DPF3: variants seen among roughly 807,000 people sequenced by gnomAD.
DPF3 encodes the protein zinc finger protein DPF3.
DPF3 carries 18 observed loss-of-function variants against 56.8 expected under a neutral mutation model. The observed-to-expected ratio is 0.32, with a 90% CI of 0.22 to 0.47. DPF3 has a LOEUF of 0.47. Ranked by LOEUF, DPF3 falls within the 20% of genes least tolerant of loss-of-function variation. The probability of loss-of-function intolerance (pLI) is 1.00; values close to 1 mark genes in which losing one functional copy is unlikely to be tolerated. For synonymous variants in DPF3, 188 were observed against 180.2 expected (o/e 1.04, Z -0.35); for missense variants, 403 against 488.8 (o/e 0.82, Z 1.65).
In DPF3 at chr14:72,611,304, T is replaced by A. The variant is rs926358936; in HGVS notation, c.*7993A>T. 1.3e-5 allele frequency among the ~76,000 whole-genome samples: 2 copies of A among 152,246 alleles called. No homozygotes were observed. Among genetic ancestry groups the A allele is most frequent in the African/African-American group, 4.8e-5 (2 of 41,462 alleles). On this transcript the variant is annotated 3_prime_UTR_variant, in exon 11 of 11. Transcript: ENST00000556509. ...GATGAAACAAACGGTTTATTCCTAA[T>A]GCTGTCAACACAAACAACTGAGAGT...
intron 1 of DPF3, among the ~76,000 whole-genome samples, chr14:72,851,332 T>C (rs1884976576): frequency 1.3e-5 from 2 of 152,230 alleles, no homozygotes; most frequent in Admixed American, 6.5e-5. Flanking sequence ...GTTTGCTCTG[T>C]CCTCAAAACA....
chr14:72,865,172 T>C (rs1200121297), intron 1 of DPF3, among the ~76,000 whole-genome samples: 7 of 152,194 alleles, frequency 4.6e-5, no homozygotes, highest in African/African-American at 1.7e-4. Context: ...TTCATTTATC[T>C]TTTTGAGCCC....
intron 7 of DPF3, among the ~76,000 whole-genome samples, chr14:72,690,183 C>T (rs1237959024): frequency 6.6e-6 from 1 of 152,160 alleles, no homozygotes; most frequent in Non-Finnish European, 1.5e-5. Context: ...TCCACATCTC[C>T]ACGTAGGGCG....
At chr14:72,842,148 G>C (rs978292083) in intron 1 of DPF3, among the ~76,000 whole-genome samples, 2 of 148,374 alleles carry the variant, frequency 1.3e-5, no homozygotes, top group African/African-American at 2.5e-5. Context: ...CATCAAAATC[G>C]AATCAAGCAG....
intron 6 of DPF3, among the ~76,000 whole-genome samples, chr14:72,712,166 C>G (rs563509062): frequency 6.6e-6 from 1 of 151,898 alleles, no homozygotes; most frequent in Non-Finnish European, 1.5e-5. Flanking sequence ...AGAAAGCCTG[C>G]CGTCAGGCCT....
intron 7 of DPF3, among the ~76,000 whole-genome samples, chr14:72,681,565 C>T (rs1196044709): frequency 5.9e-5 from 9 of 152,252 alleles, no homozygotes; most frequent in Middle Eastern, 3.4e-3. Flanking sequence ...CAAAATGTGG[C>T]GTCAACCCTC....
chr14:72,835,229 C>T (rs1049119122), intron 1 of DPF3, among the ~76,000 whole-genome samples: 2 of 152,038 alleles, frequency 1.3e-5, no homozygotes, highest in South Asian at 2.1e-4. Flanking sequence ...CACCATGCCC[C>T]GCTAATGTTT....
intron 1 of DPF3, among the ~76,000 whole-genome samples, chr14:72,858,055 A>G (rs1012868829): frequency 1.3e-5 from 2 of 152,054 alleles, no homozygotes; most frequent in East Asian, 3.9e-4. Flanking sequence ...CTGTAATCCC[A>G]GGACTTTGGG....
At chr14:72,741,062 A>T (rs1219224984) in intron 3 of DPF3, among the ~76,000 whole-genome samples, 1 of 151,974 alleles carries the variant, frequency 6.6e-6, no homozygotes, top group East Asian at 1.9e-4. Context: ...TAAATAAAAT[A>T]AAATGAATAG....
Position 72,702,849 on chromosome 14 carries a change from G to A in DPF3, c.605-9636C>T, listed in dbSNP as rs113402484. On this transcript the variant is annotated intron_variant, in intron 6 of 10. Transcript: ENST00000556509. The stretch of plus-strand genomic sequence containing the variant: ...GGCCAGGCTTTTCTCAAAAGCCAAC[G>A]GTGGATCCAACCCCCAGGTGGGCTT... Among the ~76,000 whole-genome samples the A allele has an allele frequency of 5.6e-4, 85 of 152,166 alleles. 1 individual carries two copies. The highest frequency in any genetic ancestry group is 3.4e-3 in the Middle Eastern group (1 of 294).
chr14:72,686,571 C>T (rs143717395), intron 7 of DPF3, among the ~76,000 whole-genome samples: 1 of 152,300 alleles, frequency 6.6e-6, no homozygotes, highest in East Asian at 1.9e-4. Context: ...ATGTAGATGA[C>T]CTTTGAGGCC....
intron 8 of DPF3, among the ~76,000 whole-genome samples, chr14:72,633,445 C>T (rs557705174): frequency 7.4e-4 from 113 of 152,058 alleles, no homozygotes; most frequent in African/African-American, 2.6e-3. Context: ...CTTGGAGGAG[C>T]TCAAGTCCTC....
rs544582740 is a variant in DPF3, at chr14:72,612,171, G to T, written c.*7126C>A. Among the ~76,000 whole-genome samples the T allele has an allele frequency of 6.6e-6, 1 of 152,274 alleles. No homozygotes were observed. Among genetic ancestry groups the T allele is most frequent in the East Asian group, 1.9e-4 (1 of 5,160 alleles). On this transcript the variant is annotated 3_prime_UTR_variant, in exon 11 of 11. Transcript: ENST00000556509. ...GGGTGGACAACCATGGCAGATGAGT[G>T]GGGGGCAGCTTGGATGGACTCTGTT...
intron 8 of DPF3, among the ~76,000 whole-genome samples, chr14:72,667,073 G>A (rs1477756676): frequency 6.6e-6 from 1 of 152,180 alleles, no homozygotes; most frequent in Non-Finnish European, 1.5e-5. Context: ...TAGATGCAGA[G>A]AGAGATGCAG....
In DPF3 at chr14:72,753,308, T is replaced by C. The variant is rs776729347; in HGVS notation, c.257A>G (p.His86Arg). 6.2e-7 allele frequency: 1 copy of C among 1,613,606 alleles called. No homozygotes were observed. The change falls in exon 3 of 11, where the codon CAC becomes CGC. Residue 86 changes from histidine (H) to arginine (R), a missense_variant. This residue lies in a region of DPF3 where 340 missense variants were observed against 374.3 expected (regional missense o/e 0.91). Transcript: ENST00000556509. ...CCGCAGTTTTGGATCTTCAGGTGGG[T>C]GCAATCGTCTCTTCTTGCGCCAGCA... ...ARCWRKKRRL[H>R]PPEDPKLRLL...
chr14:72,690,537 AAAC>A (rs66976547), intron 7 of DPF3, among the ~76,000 whole-genome samples: 46,558 of 151,610 alleles, frequency 0.31, 9,465 homozygotes, highest in Non-Finnish European at 0.46. Context: ...ACACATGCAC[AAAC>A]AACACGCACA....
At chr14:72,659,275 T>C (rs984025376) in intron 8 of DPF3, among the ~76,000 whole-genome samples, 4 of 152,240 alleles carry the variant, frequency 2.6e-5, no homozygotes, top group Non-Finnish European at 4.4e-5. Context: ...TAACCATCTA[T>C]GGTAACTACA....
Position 72,654,202 on chromosome 14 carries a change from G to A in DPF3, c.871+20038C>T, listed in dbSNP as rs1172705466. ...ACCTGTGACTCCCCCCAGCAGCCTG[G>A]GATCTTCCTTCCACTCCATTCACGC... On this transcript the variant is annotated intron_variant, in intron 8 of 10. Coordinates refer to ENST00000556509, the MANE Select transcript of DPF3 (RefSeq NM_001280542.3). Among the ~76,000 whole-genome samples the A allele has an allele frequency of 2.0e-5, 3 of 152,128 alleles. No individual in the cohort carries two copies. The East Asian group carries it at 5.8e-4, about 29-fold the overall frequency.
rs1333680634 is a variant in DPF3 at position 72,615,143 on chromosome 14, G to T, written c.*4154C>A. Among the ~76,000 whole-genome samples, 3 of 152,152 alleles carry T rather than the reference G, an allele frequency of 2.0e-5. No individual in the cohort carries two copies. Among genetic ancestry groups the T allele is most frequent in the Non-Finnish European group, 4.4e-5 (3 of 68,010 alleles). On this transcript the variant is annotated 3_prime_UTR_variant, in exon 11 of 11. Coordinates refer to ENST00000556509, the MANE Select transcript of DPF3 (RefSeq NM_001280542.3). Reference sequence around the variant, plus strand: ...GCAGCCGGGGAGTGAGAGAAGAAGGGGCTGCTTCTGTCCCAGCACTTCCAC... The same window carrying T: ...GCAGCCGGGGAGTGAGAGAAGAAGGTGCTGCTTCTGTCCCAGCACTTCCAC...
Sources: allele counts gnomAD v4.1 joint callset (sites outside exome capture counted in the v4.1 genomes callset), GRCh38; gene constraint gnomAD v4.1.1; regional missense constraint gnomAD v4.1.1; transcripts MANE v1.5; gene names NCBI Gene and HGNC (gene_info 2026-07-23, HGNC 2026-07-21).